Variants in SGCD observed in about 807,000 individuals in gnomAD.
SGCD encodes the protein sarcoglycan delta.
A neutral mutation model predicts 36.6 loss-of-function variants in SGCD; 18 were observed. The ratio of observed to expected loss-of-function variants is 0.49; its 90% CI spans 0.34 to 0.73. SGCD has a LOEUF of 0.73. Ranked by LOEUF, SGCD falls within the 30% of genes least tolerant of loss-of-function variation. The pLI is 0.01. For missense variants in SGCD, 387 were observed against 346.7 expected (o/e 1.12, Z -0.92); for synonymous variants, 133 against 130.6 (o/e 1.02, Z -0.12).
chr5:156,306,729 G>A (rs1767222451), intron 3 of SGCD, among the ~76,000 whole-genome samples: 2 of 152,074 alleles, frequency 1.3e-5, no homozygotes, highest in Admixed American at 1.3e-4. Flanking sequence ...CTTGATTTTT[G>A]GTTCTGGTGA....
chr5:156,368,565 A>G (rs1055955784), intron 3 of SGCD, among the ~76,000 whole-genome samples: 3 of 152,164 alleles, frequency 2.0e-5, no homozygotes, highest in African/African-American at 7.2e-5. Context: ...TTTAAATGGC[A>G]GTACTTCTGG....
intron 1 of SGCD, among the ~76,000 whole-genome samples, chr5:155,870,701 C>G (rs1157565298): frequency 6.6e-6 from 1 of 152,114 alleles, no homozygotes; most frequent in Admixed American, 6.5e-5. Context: ...TACCTGCCCC[C>G]ACAATTCTCA....
chr5:156,115,259 A>G (rs1007871643), intron 1 of SGCD, among the ~76,000 whole-genome samples: 4 of 152,128 alleles, frequency 2.6e-5, no homozygotes, highest in African/African-American at 9.6e-5. Context: ...GAGGACTATT[A>G]GGATCATTTT....
At chr5:156,314,180 C>A (rs955161478) in intron 3 of SGCD, among the ~76,000 whole-genome samples, 3 of 151,896 alleles carry the variant, frequency 2.0e-5, no homozygotes, top group Non-Finnish European at 4.4e-5. Flanking sequence ...AGGAGGGTCA[C>A]TGTATTGGTG....
At chr5:156,563,977 C>A (rs1759375373) in intron 4 of SGCD, among the ~76,000 whole-genome samples, 1 of 152,240 alleles carries the variant, frequency 6.6e-6, no homozygotes. Flanking sequence ...TCTTTCCTAT[C>A]TGGAATCATT....
At chr5:156,518,293 C>T (rs1757265422) in intron 4 of SGCD, among the ~76,000 whole-genome samples, 1 of 152,096 alleles carries the variant, frequency 6.6e-6, no homozygotes, top group Non-Finnish European at 1.5e-5. Context: ...GCTAACTATC[C>T]TAAATATATA....
the SGCD span, among the ~76,000 whole-genome samples, chr5:155,803,391 T>G: frequency 6.6e-6 from 1 of 151,994 alleles, no homozygotes; most frequent in African/African-American, 2.4e-5. Context: ...GAGAAGGCCT[T>G]TTGAGAATGA....
chr5:156,332,367 G>A (rs557587851), intron 2 of SGCD, among the ~76,000 whole-genome samples: 1 of 152,230 alleles, frequency 6.6e-6, no homozygotes, highest in Non-Finnish European at 1.5e-5. Context: ...CATTCCCTAT[G>A]TAATTTCTTG....
chr5:156,480,241 T>G (rs1755365653), intron 3 of SGCD, among the ~76,000 whole-genome samples: 1 of 152,258 alleles, frequency 6.6e-6, no homozygotes, highest in South Asian at 2.1e-4. Context: ...TGGTAAGTAA[T>G]GGAAGAGTTC....
chr5:156,334,585 C>G (rs1487747201), intron 2 of SGCD, among the ~76,000 whole-genome samples: 2 of 149,372 alleles, frequency 1.3e-5, no homozygotes, highest in African/African-American at 4.9e-5. Flanking sequence ...TATTCCCCAG[C>G]CCCTGGTACT....
intron 1 of SGCD, among the ~76,000 whole-genome samples, chr5:155,980,676 C>T (rs890791858): frequency 2.2e-5 from 3 of 137,416 alleles, no homozygotes; most frequent in African/African-American, 5.4e-5. Context: ...TGGAAGGCCG[C>T]TTAGTACATG....
intron 3 of SGCD, among the ~76,000 whole-genome samples, chr5:156,354,711 TC>T: frequency 6.6e-6 from 1 of 152,310 alleles, no homozygotes; most frequent in African/African-American, 2.4e-5. Context: ...TCTGAATAAC[TC>T]TCAGAAATCT....
chr5:155,970,915 A>G (rs1260818813), intron 1 of SGCD, among the ~76,000 whole-genome samples: 5 of 152,138 alleles, frequency 3.3e-5, no homozygotes, highest in Non-Finnish European at 7.4e-5. Flanking sequence ...AGCTCTTCTT[A>G]GGCAATTCAG....
intron 3 of SGCD, among the ~76,000 whole-genome samples, chr5:156,423,275 T>TATTATATTTTATTATAA (rs1773456767): frequency 1.7e-4 from 1 of 5,924 alleles, no homozygotes; most frequent in Non-Finnish European, 4.0e-4. Flanking sequence ...TAATATAACA[T>TATTATATTTTATTATAA]TATATTATAT....
At chr5:156,450,809 G>A (rs1316789735) in intron 3 of SGCD, among the ~76,000 whole-genome samples, 2 of 152,022 alleles carry the variant, frequency 1.3e-5, no homozygotes, top group African/African-American at 4.8e-5. Flanking sequence ...AAATCAGCGT[G>A]TGTGTTTGTA....
intron 3 of SGCD, among the ~76,000 whole-genome samples, chr5:156,503,381 C>T (rs934909663): frequency 6.6e-6 from 1 of 151,980 alleles, no homozygotes; most frequent in Non-Finnish European, 1.5e-5. Flanking sequence ...AGGATCCCTT[C>T]GACTCTGAGA....
At chr5:156,176,607 A>T (rs753954985) in intron 3 of SGCD, among the ~76,000 whole-genome samples, 66 of 152,132 alleles carry the variant, frequency 4.3e-4, no homozygotes, top group Non-Finnish European at 7.9e-4. Flanking sequence ...TGAAGAGCTC[A>T]TATGTTTATC....
intron 3 of SGCD, among the ~76,000 whole-genome samples, chr5:156,236,466 T>C (rs1249208631): frequency 6.6e-6 from 1 of 151,976 alleles, no homozygotes; most frequent in South Asian, 2.1e-4. Flanking sequence ...TTTTTTTTTT[T>C]TGAGACGGAG....
chr5:155,776,639 C>CA, the SGCD span, among the ~76,000 whole-genome samples: 4 of 151,140 alleles, frequency 2.6e-5, no homozygotes, highest in African/African-American at 9.7e-5. Context: ...CAACACCCCC[C>CA]ACCCCCGCCC....
Sources: allele counts gnomAD v4.1 joint callset (sites outside exome capture counted in the v4.1 genomes callset), GRCh38; gene constraint gnomAD v4.1.1; transcripts MANE v1.5; gene names NCBI Gene and HGNC (gene_info 2026-07-23, HGNC 2026-07-21).